ABCA13: variants seen among roughly 807,000 people sequenced by gnomAD.
ABCA13 encodes ATP binding cassette subfamily A member 13, also known as ATP-binding cassette sub-family A member 13.
In ABCA13, 476 loss-of-function variants were observed where a neutral mutation model predicts 478.7. The observed-to-expected ratio is 0.99, with a 90% CI of 0.92 to 1.07. The LOEUF (loss-of-function observed/expected upper bound fraction) is 1.07. ABCA13 is among the 50% of genes least tolerant of loss of function. The pLI is 0.00. For missense variants in ABCA13, 6,060 were observed against 5,910.6 expected (o/e 1.03, Z -0.83); for synonymous variants, 2,252 against 2,158.9 (o/e 1.04, Z -1.20).
At chr7:48,505,978 T>G (rs1831171126) in intron 48 of ABCA13, among the ~76,000 whole-genome samples, 1 of 152,182 alleles carries the variant, frequency 6.6e-6, no homozygotes, top group South Asian at 2.1e-4. Flanking sequence ...CAGATAGTCT[T>G]CTTTGCATAT....
At chr7:48,236,629 A>G (rs2129004477) in intron 8 of ABCA13, among the ~76,000 whole-genome samples, 1 of 152,296 alleles carries the variant, frequency 6.6e-6, no homozygotes, top group Admixed American at 6.5e-5. Context: ...TTGGGCACTG[A>G]CATTTTTGCC....
intron 23 of ABCA13, among the ~76,000 whole-genome samples, chr7:48,301,861 G>A (rs1348098414): frequency 6.6e-6 from 1 of 152,182 alleles, no homozygotes; most frequent in Non-Finnish European, 1.5e-5. Context: ...CTCAGTAAAT[G>A]TGGTAGGTTC....
chr7:48,389,129 A>G lies in ABCA13; in HGVS notation c.11563A>G (p.Lys3855Glu). The stretch of plus-strand genomic sequence containing the variant: ...TGTGACCAAGGAATATGAGGGCCAC[A>G]AGGCTGTGGTCCAAGACCTCAGCCT... ...VSVTKEYEGH[K>E]AVVQDLSLTF... Residue 3855 changes from lysine to glutamate, a missense_variant, in exon 37 of 62, where the codon AAG (lysine) becomes GAG (glutamate). By Grantham distance (56) the Lys-to-Glu change is moderately conservative. Transcript: ENST00000435803. 6.2e-7 allele frequency: 1 copy of G among 1,613,950 alleles called. No individual in the cohort carries two copies. The highest frequency in any genetic ancestry group is 1.1e-5 in the South Asian group (1 of 91,074).
At chr7:48,270,273 A>G (rs542246139) in intron 16 of ABCA13, among the ~76,000 whole-genome samples, 5 of 152,302 alleles carry the variant, frequency 3.3e-5, no homozygotes, top group East Asian at 1.9e-4. Context: ...TTCTTTTTTC[A>G]TGAAAGGGAA....
intron 58 of ABCA13, among the ~76,000 whole-genome samples, chr7:48,607,926 G>C (rs1791635465): frequency 6.6e-6 from 1 of 152,010 alleles, no homozygotes; most frequent in African/African-American, 2.4e-5. Flanking sequence ...TGTTGCCCAG[G>C]CTGGAGTACA....
chr7:48,601,400 C>G (rs1790884703), intron 58 of ABCA13, among the ~76,000 whole-genome samples: 1 of 151,906 alleles, frequency 6.6e-6, no homozygotes, highest in Non-Finnish European at 1.5e-5. Flanking sequence ...CGCAACAGGC[C>G]CCGGTGTGTG....
At chr7:48,550,856 G>A (rs890192727) in intron 55 of ABCA13, among the ~76,000 whole-genome samples, 1 of 151,316 alleles carries the variant, frequency 6.6e-6, no homozygotes, top group Non-Finnish European at 1.5e-5. Flanking sequence ...ATCCCAGGCA[G>A]ATACTGTTTT....
intron 47 of ABCA13, among the ~76,000 whole-genome samples, chr7:48,485,311 G>A (rs552859367): frequency 2.0e-4 from 31 of 152,072 alleles, no homozygotes; most frequent in Middle Eastern, 3.4e-3. Context: ...AGGTGTCATA[G>A]TATGTTCCTA....
At chr7:48,630,492 T>TGCACAG (rs1794076303) in intron 59 of ABCA13, among the ~76,000 whole-genome samples, 1 of 152,228 alleles carries the variant, frequency 6.6e-6, no homozygotes, top group Admixed American at 6.5e-5. Context: ...AGACACGATC[T>TGCACAG]TGTTCTTTTT....
At chr7:48,388,619 T>C (rs1456869406) in intron 36 of ABCA13, among the ~76,000 whole-genome samples, 3 of 152,236 alleles carry the variant, frequency 2.0e-5, no homozygotes, top group Non-Finnish European at 2.9e-5. Flanking sequence ...CATTCTAATC[T>C]AAACAATCTA....
chr7:48,572,135 G>A (rs900955969), intron 55 of ABCA13, among the ~76,000 whole-genome samples: 6 of 152,130 alleles, frequency 3.9e-5, no homozygotes, highest in East Asian at 1.9e-4. Context: ...AGCCGAGACC[G>A]TGCCAATGCA....
intron 48 of ABCA13, among the ~76,000 whole-genome samples, chr7:48,500,048 C>G (rs1830610352): frequency 1.3e-5 from 2 of 152,174 alleles, no homozygotes; most frequent in African/African-American, 2.4e-5. Flanking sequence ...AGTTCTCACT[C>G]TGGTACCAAT....
chr7:48,225,720 T>C (rs776378211), intron 5 of ABCA13, among the ~76,000 whole-genome samples: 1 of 152,146 alleles, frequency 6.6e-6, no homozygotes, highest in Non-Finnish European at 1.5e-5. Context: ...TTTGTACTTA[T>C]GGCAGGAACA....
Position 48,248,386 on chromosome 7 carries a change from C to T in ABCA13, c.1807C>T (p.Pro603Ser). The T allele has an allele frequency of 6.2e-7, 1 of 1,613,532 alleles. No individual in the cohort carries two copies. The highest frequency in any genetic ancestry group is 8.5e-7 in the Non-Finnish European group (1 of 1,179,660). Residue 603 changes from proline to serine, a missense_variant, in exon 14 of 62, where the codon CCC becomes TCC. Coordinates refer to ENST00000435803, the MANE Select transcript of ABCA13 (RefSeq NM_152701.5). Reference protein sequence around the residue: ...TRLFLLLGADPSPENDVFSSD... With the variant: ...TRLFLLLGADSSPENDVFSSD... ...GCTCTTCCTGCTGCTGGGAGCTGAT[C>T]CCTCTCCTGAGAATGATGTCTTTTC...
chr7:48,260,190 C>CT (rs1235044667), intron 15 of ABCA13, among the ~76,000 whole-genome samples: 1 of 152,004 alleles, frequency 6.6e-6, no homozygotes, highest in Non-Finnish European at 1.5e-5. Flanking sequence ...GACAATCTGA[C>CT]TTTTTGAGTT....
chr7:48,519,888 GT>G (rs1384920486), intron 52 of ABCA13, among the ~76,000 whole-genome samples, 152 bp from the exon 53 acceptor site: 4 of 152,168 alleles, frequency 2.6e-5, no homozygotes, highest in Non-Finnish European at 4.4e-5. Context: ...AAATACCTTT[GT>G]TTTGATGGCT....
chr7:48,375,177 A>G (rs1813268106), intron 34 of ABCA13, among the ~76,000 whole-genome samples: 1 of 152,188 alleles, frequency 6.6e-6, no homozygotes, highest in Non-Finnish European at 1.5e-5. Flanking sequence ...CAATAAATGT[A>G]ATGCACTTGA....
intron 55 of ABCA13, among the ~76,000 whole-genome samples, chr7:48,565,214 C>CTTTTTTTTT (rs10559411): frequency 8.8e-6 from 1 of 113,774 alleles, no homozygotes; most frequent in African/African-American, 3.3e-5. Context: ...ATTTAATGAG[C>CTTTTTTTTT]TTTTTTTTTT....
chr7:48,592,174 G>A (rs1789825805), intron 57 of ABCA13, among the ~76,000 whole-genome samples: 1 of 147,712 alleles, frequency 6.8e-6, no homozygotes, highest in Non-Finnish European at 1.5e-5. Context: ...CAATTGCAAA[G>A]GTAAGATATT....
Sources: allele counts gnomAD v4.1 joint callset (sites outside exome capture counted in the v4.1 genomes callset), GRCh38; gene constraint gnomAD v4.1.1; transcripts MANE v1.5; gene names NCBI Gene and HGNC (gene_info 2026-07-23, HGNC 2026-07-21).